The following ICA1 variants were observed in gnomAD, a reference collection of about 807,000 sequenced individuals.
The protein encoded by ICA1 is 69 kDa islet cell autoantigen.
A neutral mutation model predicts 71.0 loss-of-function variants in ICA1; 40 were observed. That is an observed-to-expected ratio of 0.56 (90% CI 0.44 to 0.73). The LOEUF is 0.73. Among genes scored for constraint, ICA1 ranks in the 30% least tolerant of loss-of-function variants. The pLI is 0.00. For missense variants in ICA1, 578 were observed against 576.5 expected, an observed-to-expected ratio of 1.00 and a Z score of -0.03; for synonymous variants, 207 against 209.5, an observed-to-expected ratio of 0.99 and a Z score of 0.10.
Position 8,173,158 on chromosome 7 carries a change from T to C in ICA1, c.580-14506A>G, listed in dbSNP as rs1348151923. Among the ~76,000 whole-genome samples the C allele has an allele frequency of 6.6e-6, 1 of 152,170 alleles. No individual in the cohort carries two copies. The highest frequency in any genetic ancestry group is 2.4e-5 in the African/African-American group (1 of 41,452). ...ATGAGGTCACGGCCTCTGACTATCA[T>C]GTCCCCTCTCTAAGTAACCAGGGCT... On this transcript the variant is annotated intron_variant, in intron 6 of 13. Transcript: ENST00000402384. The surrounding 1 kb of genome is among the most constrained non-coding windows in gnomAD (Gnocchi z 4.0).
intron 1 of ICA1, among the ~76,000 whole-genome samples, chr7:8,260,713 G>A (rs773579075): frequency 6.6e-6 from 1 of 152,158 alleles, no homozygotes. Context: ...TCTCTACAAA[G>A]GGTGTTTCAA....
At chr7:8,164,890 C>A (rs1393144409) in intron 6 of ICA1, among the ~76,000 whole-genome samples, 1 of 152,056 alleles carries the variant, frequency 6.6e-6, no homozygotes, top group Non-Finnish European at 1.5e-5. Context: ...CCAGCCTGGG[C>A]AACATGGCAA....
At position 8,173,738 on chromosome 7, in the gene ICA1, C is replaced by T. The variant is rs1290157744; in HGVS notation, c.580-15086G>A. Among the ~76,000 whole-genome samples, 2 of 152,044 alleles carry T rather than the reference C, an allele frequency of 1.3e-5. No individual in the cohort carries two copies. The highest frequency in any genetic ancestry group is 2.9e-5 in the Non-Finnish European group (2 of 68,012). ...ATTAAGATGTTTCATAAACCTCAGG[C>T]CATTCCAGGTTTTAATTTTCCTGAC... On this transcript the variant is annotated intron_variant, in intron 6 of 13. Transcript: ENST00000402384. This position sits in a 1 kb window ranked among gnomAD's most constrained non-coding sequence, Gnocchi z 4.0.
intron 6 of ICA1, among the ~76,000 whole-genome samples, chr7:8,171,035 C>T (rs1584863940): frequency 6.6e-6 from 1 of 151,830 alleles, no homozygotes; most frequent in South Asian, 2.1e-4. Context: ...ATCATCATTT[C>T]CTTTTGCTAA....
chr7:8,231,188 T>G (rs1800171473), intron 3 of ICA1, among the ~76,000 whole-genome samples: 1 of 151,994 alleles, frequency 6.6e-6, no homozygotes, highest in African/African-American at 2.4e-5. Context: ...AGTGTCCAGG[T>G]GGAAGCCAGC....
At chr7:8,183,281 A>G (rs912429982) in intron 6 of ICA1, among the ~76,000 whole-genome samples, 1 of 152,186 alleles carries the variant, frequency 6.6e-6, no homozygotes, top group East Asian at 1.9e-4. Flanking sequence ...TTAACAGTTA[A>G]AGATCATTCT....
intron 1 of ICA1, among the ~76,000 whole-genome samples, chr7:8,240,921 G>A (rs1306495720): frequency 6.6e-6 from 1 of 152,220 alleles, no homozygotes; most frequent in African/African-American, 2.4e-5. Context: ...TATGTGAAAA[G>A]ACCAAATCTA....
chr7:8,148,875 TA>T (rs1797900207), intron 8 of ICA1, among the ~76,000 whole-genome samples: 1 of 152,202 alleles, frequency 6.6e-6, no homozygotes, highest in African/African-American at 2.4e-5. Context: ...TAACCCCCTT[TA>T]TCCCCCCAAA....
chr7:8,173,996 G>A lies in ICA1; in HGVS notation c.580-15344C>T, dbSNP rs1481430003. Reference sequence around the variant, plus strand: ...AAAGATATGAGTGCAGGGTTTGGAGGGGTAGTAGAGGATTCTGTTTCATAT... The same window carrying A: ...AAAGATATGAGTGCAGGGTTTGGAGAGGTAGTAGAGGATTCTGTTTCATAT... On this transcript the variant is annotated intron_variant, in intron 6 of 13. Transcript: ENST00000402384. This position sits in a 1 kb window ranked among gnomAD's most constrained non-coding sequence, Gnocchi z 4.0. Among the ~76,000 whole-genome samples the A allele has an allele frequency of 1.3e-5, 2 of 152,068 alleles. No homozygotes were observed. Among genetic ancestry groups the A allele is most frequent in the Non-Finnish European group, 2.9e-5 (2 of 67,996 alleles).
chr7:8,138,734 G>A, intron 12 of ICA1, 106 bp downstream of exon 12: 1 of 969,636 alleles, frequency 1.0e-6, no homozygotes, highest in Non-Finnish European at 1.6e-6. Context: ...ACTTTCCTTT[G>A]GAATGCAAAG....
intron 6 of ICA1, among the ~76,000 whole-genome samples, chr7:8,181,351 A>G (rs1323173746): frequency 6.6e-6 from 1 of 152,192 alleles, no homozygotes; most frequent in Non-Finnish European, 1.5e-5. Flanking sequence ...ATCATTCTTT[A>G]GCCAATGCCA....
chr7:8,174,573 C>T (rs546213275), intron 6 of ICA1, among the ~76,000 whole-genome samples: 2 of 151,712 alleles, frequency 1.3e-5, no homozygotes, highest in South Asian at 2.1e-4. Context: ...GCAGGTGGGT[C>T]GCTTGAGCTC....
Position 8,141,782 on chromosome 7 carries a change from T to A in ICA1, c.938A>T (p.Glu313Val). 6.4e-7 allele frequency: 1 copy of A among 1,569,116 alleles called. No individual in the cohort carries two copies. Among genetic ancestry groups the A allele is most frequent in the South Asian group, 1.2e-5 (1 of 86,834 alleles). Residue 313 changes from glutamate (E) to valine (V), a missense_variant, in exon 10 of 14, where the codon GAA becomes GTA. Physicochemically the swap from Glu to Val is moderately radical, Grantham distance 121. Coordinates refer to ENST00000402384, the MANE Select transcript of ICA1 (RefSeq NM_001136020.3). ...AAACTTACTCTTAAAACTAGAGGAT[T>A]CCTTGCGCTGGTTTTCTTCCTCTAA... is the stretch of plus-strand genomic sequence containing the variant. ...ISLEEENQRK[E>V]SSSFKTEDGK...
chr7:8,131,116 C>G (rs532192441), intron 12 of ICA1, among the ~76,000 whole-genome samples: 40 of 152,320 alleles, frequency 2.6e-4, no homozygotes, highest in African/African-American at 8.7e-4. Context: ...GAGGGCCTCT[C>G]TTTCTTTGGG....
Position 8,114,114 on chromosome 7 carries a change from G to A in ICA1, c.1331-70C>T, listed in dbSNP as rs115926905. On this transcript the variant is annotated intron_variant, in intron 13 of 13. Transcript: ENST00000402384. ...TCCACCTCTGCCATGCGGGATGCAG[G>A]CAGGTCCAGGTCATCTTCAAATGCA... 774 of 1,545,700 alleles carry A rather than the reference G, an allele frequency of 5.0e-4. 7 individuals are homozygous for A. The East Asian group carries it at 0.011, about 22-fold the overall frequency.
At chr7:8,239,933 G>A (rs771703591) in intron 1 of ICA1, among the ~76,000 whole-genome samples, 6 of 152,226 alleles carry the variant, frequency 3.9e-5, no homozygotes, top group Non-Finnish European at 8.8e-5. Flanking sequence ...AGCTCAGCAA[G>A]GCCTGTTGCC....
At chr7:8,216,862 G>T (rs1217632477) in intron 6 of ICA1, among the ~76,000 whole-genome samples, 1 of 152,196 alleles carries the variant, frequency 6.6e-6, no homozygotes, top group African/African-American at 2.4e-5. Context: ...TAAAATCGGT[G>T]TCTTGGTTAT....
chr7:8,207,856 C>T (rs1792157083), intron 6 of ICA1, among the ~76,000 whole-genome samples: 1 of 152,152 alleles, frequency 6.6e-6, no homozygotes, highest in African/African-American at 2.4e-5. Context: ...TTGGATCATT[C>T]TTCCGATAGC....
At chr7:8,114,708 C>T (rs550324343) in intron 13 of ICA1, among the ~76,000 whole-genome samples, 7 of 152,326 alleles carry the variant, frequency 4.6e-5, no homozygotes, top group South Asian at 2.1e-4. Context: ...CTGAATACCA[C>T]GATTATACAG....
Sources: allele counts gnomAD v4.1 joint callset (sites outside exome capture counted in the v4.1 genomes callset), GRCh38; gene constraint gnomAD v4.1.1; non-coding constraint Gnocchi (gnomAD v3.1); transcripts MANE v1.5; gene names NCBI Gene and HGNC (gene_info 2026-07-23, HGNC 2026-07-21).